Variants in ERBB4 observed in about 807,000 individuals in gnomAD.
The protein encoded by ERBB4 is receptor tyrosine-protein kinase erbB-4.
A neutral mutation model predicts 158.0 loss-of-function variants in ERBB4; 42 were observed. That is an observed-to-expected ratio of 0.27 (90% CI 0.21 to 0.34). The LOEUF (loss-of-function observed/expected upper bound fraction) is 0.34, where lower values mean the gene tolerates loss of function less well. Ranked by LOEUF, ERBB4 falls within the 10% of genes least tolerant of loss-of-function variation. The pLI, the probability that ERBB4 is intolerant of heterozygous loss-of-function variation, is 1.00. For synonymous variants in ERBB4, 583 were observed against 558.7 expected (o/e 1.04, Z -0.61); for missense variants, 1,333 against 1,624.1 (o/e 0.82, Z 3.08).
At chr2:211,978,291 C>G (rs4673644) in intron 2 of ERBB4, among the ~76,000 whole-genome samples, 31,898 of 151,844 alleles carry the variant, frequency 0.21, 3,610 homozygotes, top group East Asian at 0.38. Flanking sequence ...TATAATTTCC[C>G]TAGCAAACAG....
At chr2:211,486,190 A>C (rs540693989) in intron 20 of ERBB4, among the ~76,000 whole-genome samples, 53 of 152,290 alleles carry the variant, frequency 3.5e-4, no homozygotes, top group African/African-American at 1.2e-3. Context: ...TGTGGATTCA[A>C]AGGTAAAGAG....
chr2:211,686,936 T>C (rs1405895272), intron 12 of ERBB4, among the ~76,000 whole-genome samples: 3 of 151,992 alleles, frequency 2.0e-5, no homozygotes, highest in Admixed American at 6.6e-5. Context: ...GGAATGATCA[T>C]GGATTTTATA....
At chr2:211,824,688 A>G (rs933378592) in intron 3 of ERBB4, among the ~76,000 whole-genome samples, 6 of 151,950 alleles carry the variant, frequency 3.9e-5, no homozygotes, top group African/African-American at 1.2e-4. Context: ...GAACTTGACA[A>G]TGATGATTTG....
rs974775888 is a variant in ERBB4, at chr2:212,315,724, C to T, written c.83-190821G>A. Reference sequence around the variant, plus strand: ...TTCACACAAAGTGGTACTTAGCTTTCCTCGTCACCAAATACAATGTCAGAT... The same window carrying T: ...TTCACACAAAGTGGTACTTAGCTTTTCTCGTCACCAAATACAATGTCAGAT... On this transcript the variant is annotated intron_variant, in intron 1 of 27. Transcript: ENST00000342788. 3.3e-5 allele frequency among the ~76,000 whole-genome samples: 5 copies of T among 151,384 alleles called. No homozygotes were observed. In the South Asian group the frequency reaches 8.3e-4, roughly 25 times the overall value.
chr2:211,923,810 C>T (rs1287769752), intron 3 of ERBB4, among the ~76,000 whole-genome samples: 2 of 152,112 alleles, frequency 1.3e-5, no homozygotes, highest in East Asian at 3.9e-4. Flanking sequence ...GTAACCTCCA[C>T]CTCCTGGGTT....
chr2:211,501,957 A>T (rs1441599694), intron 20 of ERBB4, among the ~76,000 whole-genome samples: 1 of 152,108 alleles, frequency 6.6e-6, no homozygotes. Context: ...GTTCCTCCAT[A>T]TACTTTTCCC....
At chr2:211,925,283 T>C (rs1416093797) in intron 3 of ERBB4, among the ~76,000 whole-genome samples, 2 of 152,118 alleles carry the variant, frequency 1.3e-5, no homozygotes, top group Non-Finnish European at 2.9e-5. Context: ...AATTTAGCAT[T>C]TTTGTCAAAG....
At chr2:212,467,882 C>T (rs1688917746) in intron 1 of ERBB4, among the ~76,000 whole-genome samples, 1 of 152,210 alleles carries the variant, frequency 6.6e-6, no homozygotes, top group African/African-American at 2.4e-5. Flanking sequence ...CTGTATCCTG[C>T]AAAGCCATAA....
chr2:212,372,637 T>C (rs2090128216), intron 1 of ERBB4, among the ~76,000 whole-genome samples: 1 of 151,980 alleles, frequency 6.6e-6, no homozygotes, highest in Admixed American at 6.6e-5. Context: ...TAGTCCCAGG[T>C]ACTCGGGAGG....
chr2:212,332,263 TTC>T (rs1196756941), intron 1 of ERBB4, among the ~76,000 whole-genome samples: 1 of 152,066 alleles, frequency 6.6e-6, no homozygotes, highest in Non-Finnish European at 1.5e-5. Flanking sequence ...TTGGCTCTCA[TTC>T]TCTCTCCTGA....
At chr2:212,169,323 A>G (rs2081440822) in intron 1 of ERBB4, among the ~76,000 whole-genome samples, 1 of 152,138 alleles carries the variant, frequency 6.6e-6, no homozygotes. Flanking sequence ...ATATAGTATA[A>G]TAATATTCAG....
intron 16 of ERBB4, among the ~76,000 whole-genome samples, chr2:211,642,792 T>C (rs1171181402): frequency 6.6e-6 from 1 of 152,084 alleles, no homozygotes; most frequent in East Asian, 1.9e-4. Flanking sequence ...TGAAAGCACA[T>C]ATATCCAACA....
rs2090201266 is a variant in ERBB4 at position 212,373,920 on chromosome 2, T to TATATATCC, written c.82+164528_82+164529insGGATATAT. On this transcript the variant is annotated intron_variant, in intron 1 of 27. Coordinates refer to ENST00000342788, the MANE Select transcript of ERBB4 (RefSeq NM_005235.3). ...ATATATATCCATGTATATATCCATA[T>TATATATCC]ATATATATCCATATATATCCATATA... Among the ~76,000 whole-genome samples the TATATATCC allele has an allele frequency of 1.3e-4, 12 of 92,800 alleles. 2 individuals carry two copies. Among genetic ancestry groups the TATATATCC allele is most frequent in the South Asian group, 7.0e-4 (2 of 2,860 alleles). 60.9% of individuals were successfully genotyped at this position (92,800 alleles called of 152,430 possible).
intron 2 of ERBB4, among the ~76,000 whole-genome samples, chr2:212,104,108 A>T (rs1459481345): frequency 6.6e-6 from 1 of 152,022 alleles, no homozygotes; most frequent in Non-Finnish European, 1.5e-5. Context: ...AGATTTGTGG[A>T]TTTTTTTAGC....
chr2:211,693,578 G>A (rs1360573854), intron 12 of ERBB4, among the ~76,000 whole-genome samples: 1 of 152,158 alleles, frequency 6.6e-6, no homozygotes, highest in Non-Finnish European at 1.5e-5. Context: ...ACTATAGAAC[G>A]ATGGGGGAAT....
In ERBB4 at chr2:211,702,050, T is replaced by C. The variant is rs201156609; in HGVS notation, c.1406A>G (p.Tyr469Cys). The change falls in exon 12 of 28, where the codon TAT becomes TGT. Residue 469 changes from tyrosine to cysteine, a missense_variant. Coordinates refer to ENST00000342788, the MANE Select transcript of ERBB4 (RefSeq NM_005235.3). The stretch of plus-strand genomic sequence containing the variant: ...GAGTGTTGTCCAGTTAATGGTATGA[T>C]AATAACACAGGTTGCTGTTGTCAGT... Reference protein sequence around the residue: ...YITDNSNLCYYHTINWTTLFS... With the variant: ...YITDNSNLCYCHTINWTTLFS... The C allele has an allele frequency of 6.2e-7, 1 of 1,613,898 alleles. No individual in the cohort carries two copies. The highest frequency in any genetic ancestry group is 2.2e-5 in the East Asian group (1 of 44,858).
At chr2:212,028,954 G>A (rs1431053855) in intron 2 of ERBB4, among the ~76,000 whole-genome samples, 2 of 152,004 alleles carry the variant, frequency 1.3e-5, no homozygotes, top group Non-Finnish European at 2.9e-5. Flanking sequence ...ACCAAATTGA[G>A]GACTAGCTAA....
chr2:211,552,485 A>G (rs1178507473), intron 20 of ERBB4, among the ~76,000 whole-genome samples: 2 of 152,124 alleles, frequency 1.3e-5, no homozygotes, highest in Admixed American at 6.5e-5. Flanking sequence ...ATCATCTTGA[A>G]GGGTACGATG....
chr2:211,911,353 A>G (rs1478001688), intron 3 of ERBB4, among the ~76,000 whole-genome samples: 2 of 152,076 alleles, frequency 1.3e-5, no homozygotes, highest in East Asian at 1.9e-4. Context: ...TGCATCCTCA[A>G]TCACCTGGGC....
Sources: gnomAD v4.1 joint callset for allele counts (sites outside exome capture counted in the v4.1 genomes callset) on GRCh38, gnomAD v4.1.1 for gene constraint, MANE v1.5 for transcripts, NCBI Gene and HGNC (gene_info 2026-07-23, HGNC 2026-07-21) for gene names.